SH3GL1: variants seen among roughly 807,000 people sequenced by gnomAD.
The protein encoded by SH3GL1 is endophilin-A2.
SH3GL1 carries 21 observed loss-of-function variants against 48.8 expected under a neutral mutation model. The observed-to-expected ratio is 0.43, with a 90% CI of 0.30 to 0.62. The LOEUF is 0.62. Ranked by LOEUF, SH3GL1 falls within the 20% of genes least tolerant of loss-of-function variation. The pLI is 0.11. For synonymous variants in SH3GL1, 282 were observed against 217.5 expected (o/e 1.30, Z -2.61); for missense variants, 454 against 503.0 (o/e 0.90, Z 0.93).
intron 2 of SH3GL1, 130 bp downstream of exon 2, chr19:4,366,796 T>C: frequency 2.0e-6 from 2 of 996,152 alleles, no homozygotes; most frequent in Non-Finnish European, 3.2e-6. Context: ...CACCACCCCA[T>C]CTCTCCACAC....
At chr19:4,363,240 C>T in intron 7 of SH3GL1, 130 bp downstream of exon 7, 11 of 753,790 alleles carry the variant, frequency 1.5e-5, no homozygotes, top group South Asian at 1.7e-5. Context: ...CCTTTCCACT[C>T]AGTCCCCAGG....
At chr19:4,378,161 T>C (rs901196228) in intron 1 of SH3GL1, among the ~76,000 whole-genome samples, 1 of 152,180 alleles carries the variant, frequency 6.6e-6, no homozygotes, top group Admixed American at 6.5e-5. Flanking sequence ...TAATAAATAC[T>C]AGTTGTTGAG....
At chr19:4,394,353 G>A (rs1258024623) in intron 1 of SH3GL1, among the ~76,000 whole-genome samples, 1 of 152,132 alleles carries the variant, frequency 6.6e-6, no homozygotes, top group Non-Finnish European at 1.5e-5. Flanking sequence ...TTCTAGCTGC[G>A]CACGGATGCC....
chr19:4,380,056 G>C (rs1973089921), intron 1 of SH3GL1: 2 of 152,292 alleles, frequency 1.3e-5, no homozygotes, highest in Non-Finnish European at 2.9e-5. Context: ...CAGGTTGGAG[G>C]GGAAGGACAC....
Position 4,361,708 on chromosome 19 carries a change from G to T in SH3GL1, c.999C>A (p.Ile333=). The change falls in exon 10 of 10, where the codon ATC becomes ATA. Residue 333 remains isoleucine, a synonymous_variant. Coordinates refer to ENST00000269886, the MANE Select transcript of SH3GL1 (RefSeq NM_003025.4). ...GELGFHEGDV[I]TLTNQIDENW... ...TCTCATCGATCTGGTTGGTCAGCGT[G>T]ATGACGTCGCCCTCATGGAAGCCCA... The T allele has an allele frequency of 6.2e-7, 1 of 1,613,358 alleles. No homozygotes were observed. Among genetic ancestry groups the T allele is most frequent in the African/African-American group, 1.3e-5 (1 of 75,048 alleles).
chr19:4,362,795 C>G (rs1178311168), intron 7 of SH3GL1, 59 bp from the exon 8 acceptor site: 9 of 1,609,802 alleles, frequency 5.6e-6, no homozygotes, highest in Non-Finnish European at 7.6e-6. Flanking sequence ...CAGCCCCACT[C>G]TTGTATTTAT....
Position 4,361,172 on chromosome 19 carries a change from G to A in SH3GL1, c.*428C>T, listed in dbSNP as rs962944868. On this transcript the variant is annotated 3_prime_UTR_variant, in exon 10 of 10. Coordinates refer to ENST00000269886, the MANE Select transcript of SH3GL1 (RefSeq NM_003025.4). Reference sequence around the variant, plus strand: ...TCTGAGCCACCCCATGGGGACCCTCGATCCCATCCTGTTAAGGCTGCGGGA... The same window carrying A: ...TCTGAGCCACCCCATGGGGACCCTCAATCCCATCCTGTTAAGGCTGCGGGA... The A allele has an allele frequency of 1.5e-5, 4 of 272,774 alleles. No individual in the cohort carries two copies. The highest frequency in any genetic ancestry group is 5.8e-5 in the East Asian group (1 of 17,196). The allele number at this position is 272,774 out of a possible 1,614,324, so 16.9% of individuals were successfully genotyped here. A position where few individuals can be genotyped will look rare whatever the true frequency, so the allele number is the denominator to read the frequency against.
At chr19:4,391,071 G>A (rs1484722238) in intron 1 of SH3GL1, among the ~76,000 whole-genome samples, 2 of 152,214 alleles carry the variant, frequency 1.3e-5, no homozygotes, top group African/African-American at 4.8e-5. Context: ...GACACAGGCA[G>A]GTCTGAGCGG....
At chr19:4,372,529 A>G (rs1196937148) in intron 1 of SH3GL1, among the ~76,000 whole-genome samples, 1 of 152,192 alleles carries the variant, frequency 6.6e-6, no homozygotes, top group Non-Finnish European at 1.5e-5. Context: ...GGAGGGACGT[A>G]AGGATCCCTG....
chr19:4,362,006 A>C (rs1972630671), intron 9 of SH3GL1, among the ~76,000 whole-genome samples: 1 of 152,102 alleles, frequency 6.6e-6, no homozygotes, highest in Admixed American at 6.5e-5. Flanking sequence ...TTAAGTGGTC[A>C]CCAAAGCTAC....
intron 1 of SH3GL1, among the ~76,000 whole-genome samples, chr19:4,397,437 G>A (rs1177409220): frequency 6.6e-6 from 1 of 152,206 alleles, no homozygotes; most frequent in Non-Finnish European, 1.5e-5. Context: ...CCTGGTGGCC[G>A]GCACAAGAGG....
At position 4,367,813 on chromosome 19, in the gene SH3GL1, G is replaced by A. The variant is rs1234299279; in HGVS notation, c.46-819C>T. ...GCGGGAACCACTGAACCCCAGCACC[G>A]CTGTCTGAGCACAGGCGTTGCTTTC... On this transcript the variant is annotated intron_variant, in intron 1 of 9. Coordinates refer to ENST00000269886, the MANE Select transcript of SH3GL1 (RefSeq NM_003025.4). This position sits in a 1 kb window ranked among gnomAD's most constrained non-coding sequence, Gnocchi z 4.2. 2.0e-5 allele frequency among the ~76,000 whole-genome samples: 3 copies of A among 152,212 alleles called. No homozygotes were observed. The highest frequency in any genetic ancestry group is 4.8e-5 in the African/African-American group (2 of 41,450).
chr19:4,374,421 C>T (rs1163045119), intron 1 of SH3GL1, among the ~76,000 whole-genome samples: 1 of 152,210 alleles, frequency 6.6e-6, no homozygotes, highest in Non-Finnish European at 1.5e-5. Flanking sequence ...AGAAGGACCT[C>T]TCCTGTGCTG....
At chr19:4,362,591 G>A (rs770343883) in intron 8 of SH3GL1, 21 bp downstream of exon 8, 1 of 1,612,960 alleles carries the variant, frequency 6.2e-7, no homozygotes, top group Admixed American at 1.7e-5. Flanking sequence ...GCCTCCGCAA[G>A]AGGGCTCCAT....
intron 1 of SH3GL1, among the ~76,000 whole-genome samples, chr19:4,370,256 C>T (rs1972870766): frequency 6.6e-6 from 1 of 152,222 alleles, no homozygotes; most frequent in African/African-American, 2.4e-5. Flanking sequence ...GCCATGGTCC[C>T]AGCAGTCCAT....
chr19:4,363,846 C>T lies in SH3GL1; in HGVS notation c.498G>A (p.Leu166=), dbSNP rs1357131255. The change falls in exon 6 of 10, where the codon CTG becomes CTA. Residue 166 remains leucine (L), a synonymous_variant. Transcript: ENST00000269886. ...GCCGCTTCTTCTTGTAGTCAAAGTC[C>T]AGGCGGCGGCCCTCCAGTTTCTTCA... The part of the protein sequence containing the change: ...HHLKKLEGRR[L]DFDYKKKRQG... The T allele has an allele frequency of 3.1e-6, 5 of 1,613,030 alleles. No homozygotes were observed. Among genetic ancestry groups the T allele is most frequent in the Middle Eastern group, 1.9e-4 (1 of 5,168 alleles).
intron 2 of SH3GL1, 91 bp downstream of exon 2, chr19:4,366,835 G>C: frequency 7.7e-7 from 1 of 1,299,446 alleles, no homozygotes; most frequent in Non-Finnish European, 1.1e-6. Flanking sequence ...CCAGACCCAG[G>C]CCCATCAAGG....
At chr19:4,377,967 C>T (rs1362845670) in intron 1 of SH3GL1, among the ~76,000 whole-genome samples, 1 of 152,186 alleles carries the variant, frequency 6.6e-6, no homozygotes, top group Admixed American at 6.5e-5. Context: ...CCTTCTGCCC[C>T]GCTGTGGCTC....
At chr19:4,399,759 G>A (rs1327014426) in intron 1 of SH3GL1, among the ~76,000 whole-genome samples, 14 of 152,204 alleles carry the variant, frequency 9.2e-5, no homozygotes. Flanking sequence ...CACAGGGTAC[G>A]TGTTTTTAAA....
Sources: allele counts gnomAD v4.1 joint callset (sites outside exome capture counted in the v4.1 genomes callset), GRCh38; gene constraint gnomAD v4.1.1; non-coding constraint Gnocchi (gnomAD v3.1); transcripts MANE v1.5; gene names NCBI Gene and HGNC (gene_info 2026-07-23, HGNC 2026-07-21).